Variants in PLXND1 observed in about 807,000 individuals in gnomAD.
The protein encoded by PLXND1 is plexin D1, also known as plexin-D1.
PLXND1 carries 54 observed loss-of-function variants against 197.7 expected under a neutral mutation model. The observed-to-expected ratio is 0.27, with a 90% CI of 0.22 to 0.34. The LOEUF is 0.34. PLXND1 is among the 10% of genes least tolerant of loss of function. The pLI, the probability that PLXND1 is intolerant of heterozygous loss-of-function variation, is 1.00. For missense variants in PLXND1, 2,127 were observed against 2,699.2 expected (o/e 0.79, Z 4.70); for synonymous variants, 1,180 against 1,161.2 (o/e 1.02, Z -0.33).
rs762492313 is a variant in PLXND1 at position 129,565,899 on chromosome 3, G to A, written c.4310C>T (p.Ala1437Val). ...VHALEQQKDFAVRDRCSLASL... is the reference protein window; with the variant it reads ...VHALEQQKDFVVRDRCSLASL... ...GTCACAGCCTGACCTGTCGCGCACC[G>A]CAAAGTCCTTCTGCTGCTCCAGCGC... The change falls in exon 24 of 36, where the codon GCG becomes GTG. Residue 1437 changes from alanine (A) to valine (V), a missense_variant. Coordinates refer to ENST00000324093, the MANE Select transcript of PLXND1 (RefSeq NM_015103.3). 5.0e-5 allele frequency: 81 copies of A among 1,613,882 alleles called. No individual in the cohort carries two copies. Among genetic ancestry groups the A allele is most frequent in the Non-Finnish European group, 6.4e-5 (76 of 1,179,948 alleles).
intron 9 of PLXND1, among the ~76,000 whole-genome samples, chr3:129,576,122 G>GA (rs1387037346): frequency 6.6e-6 from 1 of 152,232 alleles, no homozygotes; most frequent in Non-Finnish European, 1.5e-5. Flanking sequence ...CATCCCCAGT[G>GA]ATCTAACCCA....
At chr3:129,593,852 GGTTTCGGCCCC>G (rs1031859290) in intron 1 of PLXND1, among the ~76,000 whole-genome samples, 2 of 152,204 alleles carry the variant, frequency 1.3e-5, no homozygotes, top group Non-Finnish European at 2.9e-5. Context: ...AACCGCCGCT[GGTTTCGGCCCC>G]GTTTTGAGAG....
Position 129,572,945 on chromosome 3 carries a change from A to G in PLXND1, c.2838-4T>C. The G allele has an allele frequency of 3.7e-6, 6 of 1,609,062 alleles. No individual in the cohort carries two copies. Among genetic ancestry groups the G allele is most frequent in the Non-Finnish European group, 5.1e-6 (6 of 1,176,168 alleles). ...TGGCCCTGTGACACACACGATCCTG[A>G]GGGGAGGTGCTGTGGTCAGCCAGCG... On this transcript the variant is annotated splice_region_variant and splice_polypyrimidine_tract_variant and intron_variant, in intron 13 of 35. Transcript: ENST00000324093.
At chr3:129,562,639 G>A in intron 27 of PLXND1, 148 bp downstream of exon 27, 2 of 676,078 alleles carry the variant, frequency 3.0e-6, no homozygotes, top group East Asian at 2.8e-5. Context: ...CAGAGTAAGA[G>A]CTTCTTGCTG....
intron 21 of PLXND1, 45 bp downstream of exon 21, chr3:129,567,653 G>T: frequency 6.3e-7 from 1 of 1,578,888 alleles, no homozygotes; most frequent in African/African-American, 1.3e-5. Context: ...CCATCCCCTA[G>T]GAGGGAAAGT....
At chr3:129,565,783 TG>T in intron 24 of PLXND1, 103 bp downstream of exon 24, 1 of 1,248,224 alleles carries the variant, frequency 8.0e-7, no homozygotes, top group Non-Finnish European at 1.1e-6. Context: ...GGCTGGAATA[TG>T]GGGGTGTCAA....
chr3:129,565,435 C>A lies in PLXND1; in HGVS notation c.4426G>T (p.Ala1476Ser). 3 of 1,614,044 alleles carry A rather than the reference C, an allele frequency of 1.9e-6. No individual in the cohort carries two copies. The highest frequency in any genetic ancestry group is 2.5e-6 in the Non-Finnish European group (3 of 1,179,990). The change falls in exon 25 of 36, where the codon GCC (alanine) becomes TCC (serine). Residue 1476 changes from alanine to serine, a missense_variant. Physicochemically the swap from Ala to Ser is moderately conservative, Grantham distance 99 (BLOSUM62 1). Around this residue, in one of 6 missense-constraint regions of PLXND1, gnomAD observed 532 missense variants for 811.0 expected, o/e 0.66. Transcript: ENST00000324093. ...CGCAGCATGAGCTTGGGGTTCTTGGCGGCCGAGGCGTCAATGAGGTCCACC... is the reference window on the plus strand; with the variant it reads ...CGCAGCATGAGCTTGGGGTTCTTGGAGGCCGAGGCGTCAATGAGGTCCACC... The part of the protein sequence containing the change: ...LLVDLIDASA[A>S]KNPKLMLRRT...
chr3:129,578,806 G>A (rs1265467010), intron 8 of PLXND1, among the ~76,000 whole-genome samples: 1 of 152,178 alleles, frequency 6.6e-6, no homozygotes, highest in African/African-American at 2.4e-5. Context: ...GAACAGGGGG[G>A]CTGCACCCAC....
At chr3:129,593,607 A>G (rs1034533405) in intron 1 of PLXND1, among the ~76,000 whole-genome samples, 5 of 152,220 alleles carry the variant, frequency 3.3e-5, no homozygotes, top group African/African-American at 1.2e-4. Flanking sequence ...ATGTTTACAA[A>G]AGAAAGGAAC....
chr3:129,595,200 C>G (rs2085602600), intron 1 of PLXND1, among the ~76,000 whole-genome samples: 1 of 152,226 alleles, frequency 6.6e-6, no homozygotes, highest in African/African-American at 2.4e-5. Flanking sequence ...GAAGCCACAC[C>G]TGTGACTCCC....
chr3:129,583,507 G>T, intron 8 of PLXND1, 60 bp downstream of exon 8: 2 of 1,100,190 alleles, frequency 1.8e-6, no homozygotes, highest in South Asian at 1.3e-5. Context: ...CTCAACATGT[G>T]AATTTTTTAA....
intron 1 of PLXND1, among the ~76,000 whole-genome samples, chr3:129,595,921 GCA>G (rs57098603): frequency 8.9e-5 from 13 of 146,510 alleles, no homozygotes; most frequent in Admixed American, 1.4e-4. Context: ...GTGCACGCAC[GCA>G]CACACACACA....
chr3:129,562,957 G>T lies in PLXND1; in HGVS notation c.4669-14C>A. ...CACGTTCAGGTTCTGCAGGGGGAGAGTGGGAGAGAAAGGTCAGTGAGTTGC... is the reference window on the plus strand; with the variant it reads ...CACGTTCAGGTTCTGCAGGGGGAGATTGGGAGAGAAAGGTCAGTGAGTTGC... On this transcript the variant is annotated splice_polypyrimidine_tract_variant and intron_variant, in intron 26 of 35. Coordinates refer to ENST00000324093, the MANE Select transcript of PLXND1 (RefSeq NM_015103.3). 6.2e-7 allele frequency: 1 copy of T among 1,602,742 alleles called. No individual in the cohort carries two copies. Among genetic ancestry groups the T allele is most frequent in the Non-Finnish European group, 8.5e-7 (1 of 1,170,474 alleles).
chr3:129,590,121 C>T (rs1261900997), intron 1 of PLXND1, among the ~76,000 whole-genome samples: 2 of 152,176 alleles, frequency 1.3e-5, no homozygotes, highest in African/African-American at 2.4e-5. Flanking sequence ...CTCCCTAAAC[C>T]GCAGCCTTTC....
At chr3:129,561,179 C>A in intron 29 of PLXND1, 4 of 462,690 alleles carry the variant, frequency 8.6e-6, no homozygotes, top group South Asian at 4.7e-5. Context: ...CTCCTGCCAG[C>A]CCAGATTCCC....
intron 1 of PLXND1, among the ~76,000 whole-genome samples, chr3:129,590,344 C>T (rs761070705): frequency 9.9e-5 from 15 of 152,198 alleles, no homozygotes; most frequent in Non-Finnish European, 1.9e-4. Context: ...CCTCCCTTCT[C>T]CTGGGTCTTG....
chr3:129,589,848 A>G (rs934953002), intron 1 of PLXND1, among the ~76,000 whole-genome samples: 3 of 151,932 alleles, frequency 2.0e-5, no homozygotes, highest in South Asian at 4.2e-4. Flanking sequence ...CTACACCCGC[A>G]CCCCCTTGGG....
intron 8 of PLXND1, among the ~76,000 whole-genome samples, chr3:129,579,370 T>C (rs977800503): frequency 1.3e-5 from 2 of 152,054 alleles, no homozygotes; most frequent in Non-Finnish European, 2.9e-5. Context: ...AAGGCCTGGT[T>C]GGGAACTGCT....
At position 129,605,765 on chromosome 3, in the gene PLXND1, C is replaced by T. The variant is rs79870266; in HGVS notation, c.875G>A (p.Gly292Asp). ...CGCCAGGTACGCGTAGGACTGTGCA[C>T]CCGGCGGCGGGTCGGACGGGTGCAG... ...AFLHPSDPPP[G>D]AQSYAYLALN... The change falls in exon 1 of 36, where the codon GGT (glycine) becomes GAT (aspartate). Residue 292 changes from glycine (G) to aspartate (D), a missense_variant. Physicochemically the swap from Gly to Asp is moderately conservative, Grantham distance 94. Transcript: ENST00000324093. The T allele has an allele frequency of 6.4e-7, 1 of 1,566,614 alleles. No individual in the cohort carries two copies. Among genetic ancestry groups the T allele is most frequent in the Non-Finnish European group, 8.6e-7 (1 of 1,157,052 alleles).
Sources: allele counts gnomAD v4.1 joint callset (sites outside exome capture counted in the v4.1 genomes callset), GRCh38; gene constraint gnomAD v4.1.1; regional missense constraint gnomAD v4.1.1; transcripts MANE v1.5; gene names NCBI Gene and HGNC (gene_info 2026-07-23, HGNC 2026-07-21).